The following STMN4 variants were observed in gnomAD, a reference collection of about 807,000 sequenced individuals.
STMN4 encodes the protein stathmin 4, also known as stathmin-4.
Under a neutral mutation model 29.1 loss-of-function variants are expected in STMN4, and 12 were observed. That is an observed-to-expected ratio of 0.41 (90% CI 0.26 to 0.67). The LOEUF (loss-of-function observed/expected upper bound fraction) is 0.67, where lower values mean the gene tolerates loss of function less well. STMN4 is among the 30% of genes least tolerant of loss of function. STMN4 has a pLI of 0.30. For synonymous variants in STMN4, 114 were observed against 105.3 expected (o/e 1.08, Z -0.51); for missense variants, 181 against 262.8 (o/e 0.69, Z 2.15).
At chr8:27,239,750 C>T (rs1270934339) in intron 6 of STMN4, 1 of 1,492,606 alleles carries the variant, frequency 6.7e-7, no homozygotes, top group South Asian at 1.3e-5. Context: ...TGTAACTGTG[C>T]AGAATATCCC....
chr8:27,245,326 G>A (rs949830554), intron 1 of STMN4, among the ~76,000 whole-genome samples: 1 of 152,240 alleles, frequency 6.6e-6, no homozygotes, highest in South Asian at 2.1e-4. Context: ...AGTAAGGACT[G>A]TTGTTGCCAT....
chr8:27,251,037 A>C (rs1801766473), intron 1 of STMN4, among the ~76,000 whole-genome samples: 1 of 152,158 alleles, frequency 6.6e-6, no homozygotes, highest in Non-Finnish European at 1.5e-5. Context: ...TCATGAGGTC[A>C]GGAGTTCGAG....
In STMN4 at chr8:27,236,644, A is replaced by C; in HGVS notation, c.*202T>G. The C allele has an allele frequency of 2.2e-6, 1 of 453,274 alleles. No homozygotes were observed. The allele number at this position is 453,274 out of a possible 1,614,324, so 28.1% of individuals were successfully genotyped here. ...CTCCTCTCCCCTCTCCCACCCCGTC[A>C]TTGTTCCCCGGAAACAAATAGGATG... On this transcript the variant is annotated 3_prime_UTR_variant, in exon 7 of 7. Transcript: ENST00000350889.
At chr8:27,254,591 C>T (rs764035385) in intron 1 of STMN4, among the ~76,000 whole-genome samples, 6 of 151,860 alleles carry the variant, frequency 4.0e-5, no homozygotes, top group Non-Finnish European at 8.8e-5. Context: ...GATAGGTATG[C>T]CTATGTGTGT....
Position 27,247,400 on chromosome 8 carries a change from C to A in STMN4, c.-78-3599G>T, listed in dbSNP as rs186935979. On this transcript the variant is annotated intron_variant, in intron 1 of 6. Transcript: ENST00000350889. ...CCAGGGGACATTCTGAGAAAGGACA[C>A]AGAAGATAAAAAGGTGGGAAGCAGA... Among the ~76,000 whole-genome samples, 3 of 152,152 alleles carry A rather than the reference C, an allele frequency of 2.0e-5. No homozygotes were observed. In the East Asian group the frequency reaches 5.8e-4, roughly 29 times the overall value.
At chr8:27,256,096 A>G (rs1801931533) in intron 1 of STMN4, among the ~76,000 whole-genome samples, 1 of 152,214 alleles carries the variant, frequency 6.6e-6, no homozygotes, top group South Asian at 2.1e-4. Flanking sequence ...ACTCAGCGAA[A>G]TAAGCCAATC....
chr8:27,252,462 A>T (rs2028907), intron 1 of STMN4, among the ~76,000 whole-genome samples: 132,519 of 151,922 alleles, frequency 0.87, 57,997 homozygotes, highest in East Asian at 0.97. Flanking sequence ...ATCAAAAAAA[A>T]TTTTTTAAGG....
intron 6 of STMN4, chr8:27,239,373 A>G (rs1402651321): frequency 1.4e-6 from 2 of 1,399,542 alleles, no homozygotes; most frequent in African/African-American, 2.9e-5. Flanking sequence ...GCGTGTTCTC[A>G]GCAGAACGGG....
Position 27,241,751 on chromosome 8 carries a change from C to T in STMN4, c.116G>A (p.Cys39Tyr), listed in dbSNP as rs1203956758. The T allele has an allele frequency of 6.2e-7, 1 of 1,614,102 alleles. No homozygotes were observed. The highest frequency in any genetic ancestry group is 1.3e-5 in the African/African-American group (1 of 74,950). Residue 39 changes from cysteine to tyrosine, a missense_variant, in exon 4 of 7, where the codon TGT becomes TAT. Cys to Tyr is a radical substitution (Grantham distance 194). Coordinates refer to ENST00000350889, the MANE Select transcript of STMN4 (RefSeq NM_030795.4). Reference protein sequence around the residue: ...NKSSYKYEGWCGRQCRRKDES... With the variant: ...NKSSYKYEGWYGRQCRRKDES... ...ATCCTTCCTCCTACACTGTCTCCCA[C>T]ACCAGCCTAGACAGAAAAAACAACC...
intron 1 of STMN4, among the ~76,000 whole-genome samples, chr8:27,251,388 G>T (rs915580321): frequency 6.6e-6 from 1 of 150,448 alleles, no homozygotes; most frequent in Non-Finnish European, 1.5e-5. Flanking sequence ...GTCAAGTTCA[G>T]GGGCATGGAC....
intron 1 of STMN4, among the ~76,000 whole-genome samples, chr8:27,244,708 A>G (rs577777554): frequency 3.9e-5 from 6 of 152,180 alleles, no homozygotes; most frequent in Admixed American, 3.9e-4. Context: ...CCGTGGGATC[A>G]GGTCAAGCTA....
At position 27,236,473 on chromosome 8, in the gene STMN4, C is replaced by G. The variant is rs1801313048; in HGVS notation, c.*373G>C. On this transcript the variant is annotated 3_prime_UTR_variant, in exon 7 of 7. Transcript: ENST00000350889. ...CCCCACCCAGGACTCTGTCCTTCAC[C>G]CTGAAGTTCTACCGCCCTGGTTTTC... 1 of 164,150 alleles carries G rather than the reference C, an allele frequency of 6.1e-6. No homozygotes were observed. Among genetic ancestry groups the G allele is most frequent in the Non-Finnish European group, 1.3e-5 (1 of 76,184 alleles). The allele number at this position is 164,150 out of a possible 1,614,324, so 10.2% of individuals were successfully genotyped here.
chr8:27,254,185 CACACAG>C (rs1433859582), intron 1 of STMN4, among the ~76,000 whole-genome samples: 1 of 152,126 alleles, frequency 6.6e-6, no homozygotes, highest in African/African-American at 2.4e-5. Context: ...TGTGTGTGGG[CACACAG>C]AGTCTGCCTG....
chr8:27,242,368 C>G, intron 3 of STMN4, 29 bp downstream of exon 3: 4 of 1,613,066 alleles, frequency 2.5e-6, no homozygotes, highest in Non-Finnish European at 3.4e-6. Context: ...CCCCCCGCCC[C>G]TCACTTTCCT....
At chr8:27,250,547 C>T (rs963352410) in intron 1 of STMN4, among the ~76,000 whole-genome samples, 1 of 151,998 alleles carries the variant, frequency 6.6e-6, no homozygotes, top group African/African-American at 2.4e-5. Flanking sequence ...TGGACCATGC[C>T]ATAAAGGGAG....
At position 27,241,507 on chromosome 8, in the gene STMN4, G is replaced by A. The variant is rs555047888; in HGVS notation, c.190+170C>T. Among the ~76,000 whole-genome samples the A allele has an allele frequency of 8.5e-4, 129 of 152,256 alleles. 1 individual carries two copies. The highest frequency in any genetic ancestry group is 3.0e-3 in the African/African-American group (124 of 41,542). Reference sequence around the variant, plus strand: ...GGCCCCAGGCAATGTGATTTCCTACGACACTGGCTGCTTTTGCCTTTGCTT... The same window carrying A: ...GGCCCCAGGCAATGTGATTTCCTACAACACTGGCTGCTTTTGCCTTTGCTT... On this transcript the variant is annotated intron_variant, in intron 4 of 6. Transcript: ENST00000350889.
chr8:27,242,396 CCTT>C lies in STMN4; in HGVS notation c.107_109del (p.Glu36del). 1 of 1,614,162 alleles carries C rather than the reference CCTT, an allele frequency of 6.2e-7. No homozygotes were observed. Among genetic ancestry groups the C allele is most frequent in the Non-Finnish European group, 8.5e-7 (1 of 1,180,010 alleles). Reference sequence around the variant, plus strand: ...ACTTTCCTGGCTGAGCCTTCACTGACCTTCATATTTGTAGGACGACTTATTCAG... The same window carrying C: ...ACTTTCCTGGCTGAGCCTTCACTGACCATATTTGTAGGACGACTTATTCAG... On this transcript the variant is annotated inframe_deletion and splice_region_variant, in exon 3 of 7. Transcript: ENST00000350889.
chr8:27,239,537 C>A (rs1399967331), intron 6 of STMN4: 2 of 728,882 alleles, frequency 2.7e-6, no homozygotes, highest in South Asian at 2.0e-5. Flanking sequence ...ATGTTTCCTG[C>A]TCAGTGGGAA....
chr8:27,238,047 A>G (rs1586001595), intron 6 of STMN4, among the ~76,000 whole-genome samples: 1 of 152,126 alleles, frequency 6.6e-6, no homozygotes, highest in Admixed American at 6.5e-5. Context: ...TAAACTACGA[A>G]TCTGTCCCTG....
Sources: gnomAD v4.1 joint callset for allele counts (sites outside exome capture counted in the v4.1 genomes callset) on GRCh38, gnomAD v4.1.1 for gene constraint, MANE v1.5 for transcripts, NCBI Gene and HGNC (gene_info 2026-07-23, HGNC 2026-07-21) for gene names.